The following NELL1 variants were observed in gnomAD, a reference collection of about 807,000 sequenced individuals.
The protein encoded by NELL1 is protein kinase C-binding protein NELL1.
A neutral mutation model predicts 107.4 loss-of-function variants in NELL1; 76 were observed. The ratio of observed to expected loss-of-function variants is 0.71; its 90% CI spans 0.59 to 0.86. The LOEUF is 0.86. Among genes scored for constraint, NELL1 ranks in the 40% least tolerant of loss-of-function variants. The probability of loss-of-function intolerance (pLI) is 0.00; values close to 1 mark genes in which losing one functional copy is unlikely to be tolerated. For synonymous variants in NELL1, 353 were observed against 341.2 expected (o/e 1.03, Z -0.38); for missense variants, 1,024 against 1,005.5 (o/e 1.02, Z -0.25).
intron 16 of NELL1, among the ~76,000 whole-genome samples, chr11:21,545,529 G>T (rs116747371): frequency 1.3e-5 from 2 of 151,974 alleles, no homozygotes; most frequent in Non-Finnish European, 2.9e-5. Context: ...TTGTAGTGTG[G>T]TTATGGTTTT....
intron 12 of NELL1, among the ~76,000 whole-genome samples, chr11:21,030,742 T>A (rs1157198498): frequency 6.6e-6 from 1 of 152,020 alleles, no homozygotes; most frequent in Admixed American, 6.6e-5. Flanking sequence ...TAAATTTAGA[T>A]TACAGTAGCA....
chr11:21,158,606 G>A (rs957042769), intron 13 of NELL1, among the ~76,000 whole-genome samples: 2 of 152,068 alleles, frequency 1.3e-5, no homozygotes, highest in Non-Finnish European at 2.9e-5. Flanking sequence ...TGAAGTCTTA[G>A]AGTCTCCAAC....
At chr11:21,386,086 T>C (rs1169722490) in intron 15 of NELL1, among the ~76,000 whole-genome samples, 2 of 151,872 alleles carry the variant, frequency 1.3e-5, no homozygotes, top group African/African-American at 4.8e-5. Flanking sequence ...TTTAATTTCA[T>C]GTTTACTTGT....
intron 2 of NELL1, among the ~76,000 whole-genome samples, chr11:20,772,794 G>A (rs1359043934): frequency 6.6e-6 from 1 of 152,150 alleles, no homozygotes; most frequent in Non-Finnish European, 1.5e-5. Flanking sequence ...AGGGACAGTG[G>A]TGCCTTATGA....
At chr11:20,766,842 A>C (rs962507070) in intron 2 of NELL1, among the ~76,000 whole-genome samples, 4 of 151,676 alleles carry the variant, frequency 2.6e-5, no homozygotes, top group Non-Finnish European at 1.5e-5. Flanking sequence ...TCTTGGGTTC[A>C]AGTGATTCTC....
At chr11:21,041,096 A>G (rs1000366910) in intron 12 of NELL1, among the ~76,000 whole-genome samples, 4 of 152,200 alleles carry the variant, frequency 2.6e-5, no homozygotes, top group African/African-American at 9.6e-5. Context: ...TGTTGAAAGA[A>G]TTTAGAGAAT....
At chr11:20,783,574 C>G in intron 2 of NELL1, 106 bp from the exon 3 acceptor site, 79 of 701,080 alleles carry the variant, frequency 1.1e-4, no homozygotes, top group Non-Finnish European at 1.6e-4. Context: ...CTTTTTTCCT[C>G]TTCCTTCTCA....
intron 15 of NELL1, among the ~76,000 whole-genome samples, chr11:21,375,457 C>G (rs141502857): frequency 6.6e-6 from 1 of 151,984 alleles, no homozygotes; most frequent in Admixed American, 6.6e-5. Flanking sequence ...CACTATTGAG[C>G]ACTTAGATTG....
chr11:20,930,964 A>G (rs1850605815), intron 9 of NELL1, among the ~76,000 whole-genome samples: 1 of 152,212 alleles, frequency 6.6e-6, no homozygotes. Flanking sequence ...ACTTAAAAAG[A>G]AATGATACAA....
intron 12 of NELL1, among the ~76,000 whole-genome samples, chr11:20,992,133 A>G (rs1851989279): frequency 6.6e-6 from 1 of 152,092 alleles, no homozygotes; most frequent in African/African-American, 2.4e-5. Context: ...TTCTGGGGCA[A>G]CTCTGTAAAC....
chr11:20,678,740 G>A (rs890577608), intron 2 of NELL1, among the ~76,000 whole-genome samples: 3 of 152,080 alleles, frequency 2.0e-5, no homozygotes, highest in Admixed American at 2.0e-4. Flanking sequence ...GGATGGAAAG[G>A]CAGAAAAATA....
At chr11:20,697,501 A>G (rs1369200683) in intron 2 of NELL1, among the ~76,000 whole-genome samples, 1 of 149,598 alleles carries the variant, frequency 6.7e-6, no homozygotes, top group East Asian at 2.0e-4. Flanking sequence ...AGCTTGTTTT[A>G]TGTAACAAGA....
intron 1 of NELL1, among the ~76,000 whole-genome samples, chr11:20,673,735 C>T (rs1297168526): frequency 1.3e-5 from 2 of 152,158 alleles, no homozygotes; most frequent in East Asian, 1.9e-4. Context: ...TTGTAATTCC[C>T]AATTTTAGCC....
chr11:21,245,246 T>A (rs556390149), intron 14 of NELL1, among the ~76,000 whole-genome samples: 18 of 152,242 alleles, frequency 1.2e-4, no homozygotes, highest in Middle Eastern at 3.4e-3. Context: ...GTGAAATAGC[T>A]CAGTGGTTAA....
chr11:21,518,052 G>A (rs1466368126), intron 15 of NELL1, among the ~76,000 whole-genome samples: 1 of 151,050 alleles, frequency 6.6e-6, no homozygotes, highest in Non-Finnish European at 1.5e-5. Flanking sequence ...CGGCATAAAT[G>A]CTCTTTGGGA....
In NELL1 at chr11:20,755,616, C is replaced by T. The variant is rs113571758; in HGVS notation, c.185-28064C>T. Among the ~76,000 whole-genome samples, 286 of 144,296 alleles carry T rather than the reference C, an allele frequency of 2.0e-3. 1 individual carries two copies. Among genetic ancestry groups the T allele is most frequent in the African/African-American group, 7.2e-3 (272 of 37,980 alleles). 94.7% of individuals were successfully genotyped at this position (144,296 alleles called of 152,430 possible). A position where few individuals can be genotyped will look rare whatever the true frequency, so the allele number is the denominator to read the frequency against. ...TGTTACCCAAGCTGGAGTACAGTGG[C>T]ACGATCTCAGCTCACTGCAACCTCT... On this transcript the variant is annotated intron_variant, in intron 2 of 19. Coordinates refer to ENST00000357134, the MANE Select transcript of NELL1 (RefSeq NM_006157.5).
At chr11:21,072,638 TAA>T (rs893885732) in intron 12 of NELL1, among the ~76,000 whole-genome samples, 1 of 152,106 alleles carries the variant, frequency 6.6e-6, no homozygotes, top group Non-Finnish European at 1.5e-5. Flanking sequence ...ACCCAGCATA[TAA>T]AGCTTGGCAA....
intron 2 of NELL1, among the ~76,000 whole-genome samples, chr11:20,693,954 G>A (rs1479382705): frequency 6.6e-6 from 1 of 151,924 alleles, no homozygotes; most frequent in Non-Finnish European, 1.5e-5. Context: ...TTTTCACATA[G>A]TCCCATATTT....
At chr11:21,559,827 G>A (rs913601219) in intron 16 of NELL1, among the ~76,000 whole-genome samples, 5 of 152,140 alleles carry the variant, frequency 3.3e-5, no homozygotes, top group Admixed American at 1.3e-4. Flanking sequence ...GGATGAAATC[G>A]TTCTTAAGAA....
Sources: gnomAD v4.1 joint callset for allele counts (sites outside exome capture counted in the v4.1 genomes callset) on GRCh38, gnomAD v4.1.1 for gene constraint, MANE v1.5 for transcripts, NCBI Gene and HGNC (gene_info 2026-07-23, HGNC 2026-07-21) for gene names.